SORCS2: variants seen among roughly 807,000 people sequenced by gnomAD.
The protein encoded by SORCS2 is sortilin related VPS10 domain containing receptor 2.
SORCS2 carries 100 observed loss-of-function variants against 141.6 expected under a neutral mutation model. The ratio of observed to expected loss-of-function variants is 0.71; its 90% CI spans 0.60 to 0.83. The LOEUF (loss-of-function observed/expected upper bound fraction) is 0.83, where lower values mean the gene tolerates loss of function less well. Among genes scored for constraint, SORCS2 ranks in the 40% least tolerant of loss-of-function variants. The probability of loss-of-function intolerance (pLI) is 0.00; values close to 1 mark genes in which losing one functional copy is unlikely to be tolerated. For missense variants in SORCS2, 1,646 were observed against 1,560.2 expected (o/e 1.05, Z -0.93); for synonymous variants, 789 against 676.9 (o/e 1.17, Z -2.57).
At chr4:7,666,459 C>T (rs1722511844) in intron 7 of SORCS2, among the ~76,000 whole-genome samples, 2 of 152,324 alleles carry the variant, frequency 1.3e-5, no homozygotes, top group East Asian at 1.9e-4. Flanking sequence ...CCCTTCCTCC[C>T]TCCTCCCACC....
chr4:7,297,015 C>T (rs988799978), intron 1 of SORCS2, among the ~76,000 whole-genome samples: 3 of 152,160 alleles, frequency 2.0e-5, no homozygotes, highest in South Asian at 4.1e-4. Flanking sequence ...AACTTGCAGC[C>T]GAACACCTGG....
intron 1 of SORCS2, among the ~76,000 whole-genome samples, chr4:7,352,857 G>C (rs115290240): frequency 1.2e-4 from 19 of 152,308 alleles, no homozygotes; most frequent in Admixed American, 5.9e-4. Context: ...CCTGGGGTGC[G>C]TATAACTCTG....
At chr4:7,538,561 T>C (rs1712317476) in intron 3 of SORCS2, among the ~76,000 whole-genome samples, 3 of 150,792 alleles carry the variant, frequency 2.0e-5, no homozygotes, top group Admixed American at 1.3e-4. Context: ...CTCCATTATA[T>C]ATCAGTGTTG....
rs1251608651 is a variant in SORCS2 at position 7,682,306 on chromosome 4, C to T, written c.1342-437C>T. Among the ~76,000 whole-genome samples the T allele has an allele frequency of 5.9e-5, 9 of 152,210 alleles. No individual in the cohort carries two copies. The East Asian group carries it at 1.5e-3, about 26-fold the overall frequency. ...AGCTGGGGGTCCGCAGAGGCAAGCC[C>T]AGAGGCAATTCTATTGGTCCAGGAT... is the stretch of plus-strand genomic sequence containing the variant. On this transcript the variant is annotated intron_variant, in intron 9 of 26. Transcript: ENST00000507866.
chr4:7,545,788 G>A (rs1713212344), intron 3 of SORCS2, among the ~76,000 whole-genome samples: 1 of 152,344 alleles, frequency 6.6e-6, no homozygotes, highest in South Asian at 2.1e-4. Flanking sequence ...TGTCTTCAGG[G>A]AAAACCAGAG....
At chr4:7,278,426 C>T (rs1030916635) in intron 1 of SORCS2, among the ~76,000 whole-genome samples, 1 of 152,164 alleles carries the variant, frequency 6.6e-6, no homozygotes, top group Non-Finnish European at 1.5e-5. Flanking sequence ...CAGACTATTG[C>T]GATGTCCCAA....
chr4:7,348,722 T>C (rs149580426), intron 1 of SORCS2, among the ~76,000 whole-genome samples: 134 of 152,256 alleles, frequency 8.8e-4, no homozygotes, highest in African/African-American at 3.1e-3. Flanking sequence ...TGGCTAATTT[T>C]TTGTATTTTT....
rs773780208 is a variant in SORCS2, at chr4:7,676,178, C to T, written c.1290C>T (p.Asp430=). 80 of 1,555,894 alleles carry T rather than the reference C, an allele frequency of 5.1e-5. No individual in the cohort carries two copies. The highest frequency in any genetic ancestry group is 6.4e-5 in the Non-Finnish European group (74 of 1,149,512). Reference sequence around the variant, plus strand: ...TGCGCTACGCGCTGGTGCTGCAGGACGTGCGCAGCTCACGGCAGGCGGAGG... The same window carrying T: ...TGCGCTACGCGCTGGTGCTGCAGGATGTGCGCAGCTCACGGCAGGCGGAGG... ...RGVRYALVLQ[D]VRSSRQAEES... The change falls in exon 9 of 27, where the codon GAC becomes GAT. Residue 430 remains aspartate, a synonymous_variant. Transcript: ENST00000507866.
At chr4:7,641,464 G>T (rs546314725) in intron 4 of SORCS2, among the ~76,000 whole-genome samples, 5 of 152,174 alleles carry the variant, frequency 3.3e-5, no homozygotes, top group African/African-American at 1.2e-4. Context: ...TTCCCACCAG[G>T]TTCCTCCCTC....
intron 2 of SORCS2, among the ~76,000 whole-genome samples, chr4:7,471,215 C>A (rs1729955280): frequency 6.6e-6 from 1 of 152,208 alleles, no homozygotes; most frequent in Non-Finnish European, 1.5e-5. Context: ...TCCCCGCCGG[C>A]CCCGCTTCCC....
At chr4:7,361,755 A>G (rs371820847) in intron 1 of SORCS2, among the ~76,000 whole-genome samples, 32 of 151,818 alleles carry the variant, frequency 2.1e-4, no homozygotes, top group African/African-American at 7.7e-4. Context: ...TGACCTTCAC[A>G]CAGTGGCTAA....
chr4:7,641,811 T>TGG, intron 4 of SORCS2, among the ~76,000 whole-genome samples: 2 of 133,234 alleles, frequency 1.5e-5, no homozygotes, highest in Non-Finnish European at 3.2e-5. Context: ...GATGGATGGA[T>TGG]GGATGGGTGG....
chr4:7,499,786 C>T (rs7693724), intron 2 of SORCS2, among the ~76,000 whole-genome samples: 24,767 of 152,140 alleles, frequency 0.16, 3,513 homozygotes, highest in African/African-American at 0.39. Flanking sequence ...TAAATCACTG[C>T]TTGGCAAGGT....
chr4:7,376,745 A>G (rs895043791), intron 1 of SORCS2, among the ~76,000 whole-genome samples: 2 of 152,188 alleles, frequency 1.3e-5, no homozygotes, highest in Admixed American at 6.5e-5. Context: ...ACTTTTTACG[A>G]CTTACAAAGA....
At chr4:7,259,424 G>C (rs765364392) in intron 1 of SORCS2, among the ~76,000 whole-genome samples, 1 of 152,142 alleles carries the variant, frequency 6.6e-6, no homozygotes, top group Non-Finnish European at 1.5e-5. Context: ...GTTGTACTCT[G>C]TACTCGTAGG....
At chr4:7,732,583 C>T (rs1333536392) in intron 23 of SORCS2, among the ~76,000 whole-genome samples, 1 of 152,144 alleles carries the variant, frequency 6.6e-6, no homozygotes, top group African/African-American at 2.4e-5. Flanking sequence ...TGGGATATCC[C>T]TCCCTCAGGT....
At chr4:7,569,862 C>T (rs1715269481) in intron 3 of SORCS2, among the ~76,000 whole-genome samples, 17 of 152,212 alleles carry the variant, frequency 1.1e-4, no homozygotes, top group Admixed American at 1.1e-3. Context: ...AATAAATGTC[C>T]TTCGGAGCCA....
intron 3 of SORCS2, among the ~76,000 whole-genome samples, chr4:7,612,349 A>T (rs1429941960): frequency 1.3e-5 from 2 of 152,106 alleles, no homozygotes; most frequent in African/African-American, 4.8e-5. Flanking sequence ...TAGAGCTAGG[A>T]CACACGCCTC....
intron 2 of SORCS2, among the ~76,000 whole-genome samples, chr4:7,466,025 C>T (rs1729597531): frequency 6.6e-6 from 1 of 152,144 alleles, no homozygotes; most frequent in Admixed American, 6.5e-5. Context: ...ATTAATTGCC[C>T]CAAATCTCAC....
Sources: gnomAD v4.1 joint callset for allele counts (sites outside exome capture counted in the v4.1 genomes callset) on GRCh38, gnomAD v4.1.1 for gene constraint, MANE v1.5 for transcripts, NCBI Gene and HGNC (gene_info 2026-07-23, HGNC 2026-07-21) for gene names.